Variants in SHISA6 observed in about 807,000 individuals in gnomAD.
SHISA6 encodes shisa family member 6.
Under a neutral mutation model 47.9 loss-of-function variants are expected in SHISA6, and 22 were observed. The ratio of observed to expected loss-of-function variants is 0.46; its 90% confidence interval spans 0.33 to 0.66. SHISA6 has a LOEUF of 0.66. Ranked by LOEUF, SHISA6 falls within the 30% of genes least tolerant of loss-of-function variation. SHISA6 has a pLI of 0.02. For missense variants in SHISA6, 680 were observed against 764.6 expected (o/e 0.89, Z 1.30); for synonymous variants, 388 against 337.8 (o/e 1.15, Z -1.63).
intron 2 of SHISA6, among the ~76,000 whole-genome samples, chr17:11,280,555 T>A (rs1280958936): frequency 6.6e-6 from 1 of 152,204 alleles, no homozygotes; most frequent in African/African-American, 2.4e-5. Context: ...TTCACTCTCT[T>A]GAGCTTTGTT....
At chr17:11,373,235 C>T (rs1912685813) in intron 2 of SHISA6, among the ~76,000 whole-genome samples, 1 of 151,122 alleles carries the variant, frequency 6.6e-6, no homozygotes, top group Non-Finnish European at 1.5e-5. Flanking sequence ...GTATTTTAGT[C>T]CCTGAGTTCT....
At chr17:11,466,388 T>C (rs957239032) in intron 3 of SHISA6, among the ~76,000 whole-genome samples, 1 of 152,132 alleles carries the variant, frequency 6.6e-6, no homozygotes, top group African/African-American at 2.4e-5. Flanking sequence ...GGAATAGTCC[T>C]GAAAGAGGCA....
At chr17:11,516,829 A>G (rs1355972456) in intron 3 of SHISA6, among the ~76,000 whole-genome samples, 1 of 152,186 alleles carries the variant, frequency 6.6e-6, no homozygotes, top group Non-Finnish European at 1.5e-5. Flanking sequence ...GAGTCTTGGT[A>G]TAATACTCAT....
At chr17:11,497,171 CA>C (rs2071416189) in intron 3 of SHISA6, among the ~76,000 whole-genome samples, 1 of 152,158 alleles carries the variant, frequency 6.6e-6, no homozygotes, top group South Asian at 2.1e-4. Flanking sequence ...GAAGACAAGA[CA>C]GTGTCATGGG....
chr17:11,379,071 T>C (rs181429585), intron 2 of SHISA6, among the ~76,000 whole-genome samples: 14 of 150,900 alleles, frequency 9.3e-5, no homozygotes, highest in South Asian at 2.1e-4. Flanking sequence ...CCCAGGACTT[T>C]GTTCTTTGTT....
At chr17:11,470,033 G>A (rs1915900251) in intron 3 of SHISA6, among the ~76,000 whole-genome samples, 1 of 152,150 alleles carries the variant, frequency 6.6e-6, no homozygotes, top group Non-Finnish European at 1.5e-5. Context: ...CATGCACAGA[G>A]GAAAGGCCAT....
chr17:11,407,933 T>C (rs1914011132), intron 3 of SHISA6, among the ~76,000 whole-genome samples: 1 of 152,182 alleles, frequency 6.6e-6, no homozygotes, highest in Non-Finnish European at 1.5e-5. Flanking sequence ...GGTGGCTTCA[T>C]TGGTGACCTC....
At chr17:11,350,196 T>TTTTTTTTTTTTC (rs1369301126) in intron 2 of SHISA6, among the ~76,000 whole-genome samples, 1 of 139,908 alleles carries the variant, frequency 7.1e-6, no homozygotes, top group Non-Finnish European at 1.5e-5. Context: ...TTTTTTTTTT[T>TTTTTTTTTTTTC]TGAGACGGAG....
At chr17:11,535,884 AATGT>A (rs1340854798) in intron 3 of SHISA6, among the ~76,000 whole-genome samples, 1 of 65,814 alleles carries the variant, frequency 1.5e-5, no homozygotes, top group African/African-American at 1.0e-4. Flanking sequence ...ATGGGAAAAC[AATGT>A]GTGTGTGTGT....
rs981394696 is a variant in SHISA6, at chr17:11,278,909, G to A, written c.799+15383G>A. 2.0e-4 allele frequency among the ~76,000 whole-genome samples: 31 copies of A among 152,204 alleles called. 1 individual carries two copies. Among genetic ancestry groups the A allele is most frequent in the Non-Finnish European group, 2.6e-4 (18 of 68,036 alleles). On this transcript the variant is annotated intron_variant, in intron 2 of 5. Coordinates refer to ENST00000441885, the MANE Select transcript of SHISA6 (RefSeq NM_207386.4). ...CGGGGCAGGGCAGGAAGGTGGAGCT[G>A]GGTGGCCGAGGCAGGCAGAGACACT...
intron 3 of SHISA6, among the ~76,000 whole-genome samples, chr17:11,440,852 G>C (rs1915076094): frequency 6.6e-6 from 1 of 151,848 alleles, no homozygotes; most frequent in South Asian, 2.1e-4. Flanking sequence ...GACACTCCCA[G>C]CCATGCTCTT....
At chr17:11,512,373 A>C (rs988287232) in intron 3 of SHISA6, among the ~76,000 whole-genome samples, 13 of 152,174 alleles carry the variant, frequency 8.5e-5, no homozygotes, top group African/African-American at 3.1e-4. Flanking sequence ...AGTTACTGTT[A>C]ATTAATCTGT....
intron 3 of SHISA6, among the ~76,000 whole-genome samples, chr17:11,496,208 G>A (rs1288272486): frequency 1.3e-5 from 2 of 152,278 alleles, no homozygotes; most frequent in African/African-American, 4.8e-5. Flanking sequence ...AGATTTCCAG[G>A]TCCACAGGAG....
chr17:11,289,590 G>GTGTA (rs1909446271), intron 2 of SHISA6: 1 of 143,846 alleles, frequency 7.0e-6, no homozygotes, highest in African/African-American at 2.5e-5. Context: ...ATATATATAT[G>GTGTA]TATATATATA....
intron 3 of SHISA6, among the ~76,000 whole-genome samples, chr17:11,421,635 A>G (rs1432608167): frequency 1.3e-5 from 2 of 152,246 alleles, no homozygotes; most frequent in Admixed American, 6.5e-5. Flanking sequence ...ATATAAAATA[A>G]AAATGGAACA....
chr17:11,521,271 T>TTAAAATAG (rs765800608), intron 3 of SHISA6, among the ~76,000 whole-genome samples: 6 of 152,220 alleles, frequency 3.9e-5, no homozygotes, highest in Non-Finnish European at 7.3e-5. Context: ...TATTTTGCAA[T>TTAAAATAG]TAAAGCAAGA....
intron 2 of SHISA6, among the ~76,000 whole-genome samples, chr17:11,333,748 C>T (rs915966485): frequency 6.6e-6 from 1 of 152,094 alleles, no homozygotes; most frequent in Non-Finnish European, 1.5e-5. Flanking sequence ...CTCCTGACCT[C>T]AGGTGGCTGG....
At chr17:11,292,003 C>G (rs1909567214) in intron 2 of SHISA6, among the ~76,000 whole-genome samples, 1 of 152,196 alleles carries the variant, frequency 6.6e-6, no homozygotes, top group African/African-American at 2.4e-5. Flanking sequence ...CGTTACCTCA[C>G]ATACCCATCA....
At chr17:11,412,680 T>C (rs569140932) in intron 3 of SHISA6, among the ~76,000 whole-genome samples, 38 of 152,190 alleles carry the variant, frequency 2.5e-4, no homozygotes, top group Admixed American at 1.0e-3. Flanking sequence ...TAGCTGGGAC[T>C]ACAGGCACCG....
Sources: allele counts gnomAD v4.1 joint callset (sites outside exome capture counted in the v4.1 genomes callset), GRCh38; gene constraint gnomAD v4.1.1; transcripts MANE v1.5; gene names NCBI Gene and HGNC (gene_info 2026-07-23, HGNC 2026-07-21).